SETD2: variants seen among roughly 807,000 people sequenced by gnomAD.
SETD2 encodes histone-lysine N-methyltransferase SETD2.
Under a neutral mutation model 242.1 loss-of-function variants are expected in SETD2, and 31 were observed. The ratio of observed to expected loss-of-function variants is 0.13; its 90% confidence interval spans 0.10 to 0.17. The LOEUF (loss-of-function observed/expected upper bound fraction) is 0.17. Among genes scored for constraint, SETD2 ranks in the 10% least tolerant of loss-of-function variants. The pLI, the probability that SETD2 is intolerant of heterozygous loss-of-function variation, is 1.00. For synonymous variants in SETD2, 1,006 were observed against 1,066.5 expected (o/e 0.94, Z 1.11); for missense variants, 2,481 against 3,046.3 (o/e 0.81, Z 4.37).
rs2038019764 is a variant in SETD2, at chr3:47,017,252, C to T, written c.7536G>A (p.Leu2512=). ...TEDFKHLARK[L]THGVMNKELK... ...GCTCCTTATTCATAACACCGTGAGT[C>T]AGCTGTCCAGGGCACAGGAAGAGAG... The change falls in exon 21 of 21, where the codon CTG becomes CTA. Residue 2512 remains leucine, a splice_region_variant and synonymous_variant. Coordinates refer to ENST00000409792, the MANE Select transcript of SETD2 (RefSeq NM_014159.7). This position sits in a 1 kb window ranked among gnomAD's most constrained non-coding sequence, Gnocchi z 4.8. 3 of 1,614,030 alleles carry T rather than the reference C, an allele frequency of 1.9e-6. No individual in the cohort carries two copies. Among genetic ancestry groups the T allele is most frequent in the East Asian group, 4.5e-5 (2 of 44,876 alleles).
intron 18 of SETD2, among the ~76,000 whole-genome samples, chr3:47,026,178 T>C (rs1192133440): frequency 6.6e-6 from 1 of 152,212 alleles, no homozygotes; most frequent in Non-Finnish European, 1.5e-5. Context: ...AAAAGATATT[T>C]ATGCAGCCAA....
At chr3:47,045,158 C>T (rs769459899) in intron 16 of SETD2, among the ~76,000 whole-genome samples, 2 of 152,080 alleles carry the variant, frequency 1.3e-5, no homozygotes, top group Admixed American at 1.3e-4. Flanking sequence ...GAGGCTGAAG[C>T]GGGCGGATCA....
At chr3:47,142,115 A>G (rs2106794909) in intron 1 of SETD2, among the ~76,000 whole-genome samples, 1 of 152,334 alleles carries the variant, frequency 6.6e-6, no homozygotes, top group African/African-American at 2.4e-5. Context: ...GTGTGCTAGT[A>G]AAAGGTTGTA....
Position 47,057,358 on chromosome 3 carries a change from C to A in SETD2, c.6426G>T (p.Gln2142His). ...REAQKQQQQM[Q>H]NLGMTSPLPY... The stretch of plus-strand genomic sequence containing the variant: ...GCAGTGGTGATGTCATTCCCAGGTT[C>A]TGCATCTGTTGCTGTTGTTTCTGAG... Residue 2142 changes from glutamine (Q) to histidine (H), a missense_variant, in exon 15 of 21, where the codon CAG becomes CAT. Physicochemically the swap from Gln to His is conservative, Grantham distance 24. Transcript: ENST00000409792. The A allele has an allele frequency of 6.2e-7, 1 of 1,614,210 alleles. No individual in the cohort carries two copies. The highest frequency in any genetic ancestry group is 8.5e-7 in the Non-Finnish European group (1 of 1,180,040).
intron 9 of SETD2, among the ~76,000 whole-genome samples, chr3:47,094,284 G>A (rs2041921717): frequency 1.3e-5 from 2 of 152,150 alleles, no homozygotes; most frequent in South Asian, 4.1e-4. Flanking sequence ...GTGTGACATA[G>A]CCAAAGATAA....
chr3:47,069,905 A>C (rs1457880364), intron 12 of SETD2, among the ~76,000 whole-genome samples: 1 of 152,212 alleles, frequency 6.6e-6, no homozygotes, highest in Non-Finnish European at 1.5e-5. Flanking sequence ...CTATAAGGGA[A>C]AAAAGGTATT....
chr3:47,019,941 C>A, intron 18 of SETD2, 101 bp from the exon 19 acceptor site: 1 of 982,596 alleles, frequency 1.0e-6, no homozygotes, highest in Non-Finnish European at 1.6e-6. Flanking sequence ...AGCAGGGATA[C>A]CTGATTCTTG....
At chr3:47,164,129 A>T (rs1235278496), upstream of SETD2, among the ~76,000 whole-genome samples, 1 of 150,828 alleles carries the variant, frequency 6.6e-6, no homozygotes, top group Non-Finnish European at 1.5e-5. This position sits in a 1 kb window ranked among gnomAD's most constrained non-coding sequence, Gnocchi z 5.4. Context: ...TCACCCTCAC[A>T]CCGGGAGCGA....
At chr3:47,087,642 G>T (rs2041620150) in intron 10 of SETD2, among the ~76,000 whole-genome samples, 1 of 152,028 alleles carries the variant, frequency 6.6e-6, no homozygotes, top group Admixed American at 6.6e-5. Flanking sequence ...TACAAGCTTT[G>T]AAAGTCATAC....
chr3:47,056,068 A>G (rs545957468), intron 15 of SETD2, among the ~76,000 whole-genome samples: 1 of 132,136 alleles, frequency 7.6e-6, no homozygotes, highest in Admixed American at 8.1e-5. Flanking sequence ...AATCTAAAAA[A>G]AAAAAAAAAG....
At chr3:47,071,089 G>A (rs1175219026) in intron 12 of SETD2, among the ~76,000 whole-genome samples, 2 of 152,090 alleles carry the variant, frequency 1.3e-5, no homozygotes, top group Non-Finnish European at 2.9e-5. Flanking sequence ...TTGATCTTCA[G>A]CTTCCCAAGT....
In SETD2 at chr3:47,016,819, T is replaced by A; in HGVS notation, c.*274A>T. 2.4e-6 allele frequency: 1 copy of A among 420,598 alleles called. No homozygotes were observed. Among genetic ancestry groups the A allele is most frequent in the South Asian group, 4.9e-5 (1 of 20,514 alleles). The allele number at this position is 420,598 out of a possible 1,614,324, so 26.1% of individuals were successfully genotyped here. On this transcript the variant is annotated 3_prime_UTR_variant, in exon 21 of 21. Coordinates refer to ENST00000409792, the MANE Select transcript of SETD2 (RefSeq NM_014159.7). ...GCACCGCCAAGGAGAAGACCCAGGTTTAAGAGTGGAGTCAGGTCTGGCCAG... is the reference window on the plus strand; with the variant it reads ...GCACCGCCAAGGAGAAGACCCAGGTATAAGAGTGGAGTCAGGTCTGGCCAG...
chr3:47,118,084 CAA>C (rs1484062656), intron 3 of SETD2, among the ~76,000 whole-genome samples: 1 of 152,118 alleles, frequency 6.6e-6, no homozygotes, highest in Non-Finnish European at 1.5e-5. Flanking sequence ...TGAAGTGCCT[CAA>C]GAGTGTTATG....
intron 5 of SETD2, among the ~76,000 whole-genome samples, chr3:47,109,363 G>A (rs1296379888): frequency 2.6e-5 from 4 of 151,976 alleles, no homozygotes; most frequent in Admixed American, 6.6e-5. Context: ...TTAATAAAAC[G>A]GGCCAGGGGT....
At chr3:47,080,527 T>C (rs2041276599) in intron 12 of SETD2, among the ~76,000 whole-genome samples, 1 of 152,222 alleles carries the variant, frequency 6.6e-6, no homozygotes, top group South Asian at 2.1e-4. Context: ...TAGTCACCAC[T>C]GGTAACCAGC....
At chr3:47,136,682 C>T (rs1575834633) in intron 1 of SETD2, among the ~76,000 whole-genome samples, 2 of 151,958 alleles carry the variant, frequency 1.3e-5, no homozygotes, top group East Asian at 1.9e-4. Context: ...GGCTGGGTGC[C>T]GTGGCTCACG....
In SETD2 at chr3:47,122,761, A is replaced by T. The variant is rs2043153099; in HGVS notation, c.1875T>A (p.Pro625=). The T allele has an allele frequency of 6.2e-7, 1 of 1,610,500 alleles. No homozygotes were observed. The highest frequency in any genetic ancestry group is 8.5e-7 in the Non-Finnish European group (1 of 1,178,994). The stretch of plus-strand genomic sequence containing the variant: ...GCAATTCATCTAGCTTTTTTAAAGT[A>T]GGTGAATCATTTAATCGATTTGATG... ...PAPSNRLNDS[P]TLKKLDELPI... Residue 625 remains proline (P), a synonymous_variant, in exon 3 of 21, where the codon CCT becomes CCA. Coordinates refer to ENST00000409792, the MANE Select transcript of SETD2 (RefSeq NM_014159.7).
rs933873164 is a variant in SETD2, at chr3:47,098,931, C to T, written c.5016-850G>A. ...GAATTCCCAAACAGCACTTGATTTCCACTTTTCTTTCCCTCAGAGAGGACA... is the reference window on the plus strand; with the variant it reads ...GAATTCCCAAACAGCACTTGATTTCTACTTTTCTTTCCCTCAGAGAGGACA... On this transcript the variant is annotated intron_variant, in intron 8 of 20. Coordinates refer to ENST00000409792, the MANE Select transcript of SETD2 (RefSeq NM_014159.7). Among the ~76,000 whole-genome samples the T allele has an allele frequency of 5.3e-4, 81 of 152,118 alleles. 1 individual carries two copies. The highest frequency in any genetic ancestry group is 1.2e-4 in the Non-Finnish European group (8 of 68,010).
chr3:47,128,652 AT>A lies in SETD2; in HGVS notation c.72-1990del, dbSNP rs530220943. Among the ~76,000 whole-genome samples the A allele has an allele frequency of 3.9e-5, 6 of 151,980 alleles. No homozygotes were observed. In the East Asian group the frequency reaches 9.6e-4, roughly 24 times the overall value. On this transcript the variant is annotated intron_variant, in intron 1 of 20. Coordinates refer to ENST00000409792, the MANE Select transcript of SETD2 (RefSeq NM_014159.7). ...ATCTGAAGCAGTGCCAAAATTAACC[AT>A]TTTTTTCTACTCCAAAACCACTAAA...
Sources: gnomAD v4.1 joint callset for allele counts (sites outside exome capture counted in the v4.1 genomes callset) on GRCh38, gnomAD v4.1.1 for gene constraint, Gnocchi (gnomAD v3.1) non-coding constraint, MANE v1.5 for transcripts, NCBI Gene and HGNC (gene_info 2026-07-23, HGNC 2026-07-21) for gene names.